The following MTAP variants were observed in gnomAD, a reference collection of about 807,000 sequenced individuals.
MTAP encodes methylthioadenosine phosphorylase.
A neutral mutation model predicts 33.6 loss-of-function variants in MTAP; 33 were observed. The observed-to-expected ratio is 0.98, with a 90% CI of 0.74 to 1.31. MTAP has a LOEUF of 1.31. Among genes scored for constraint, MTAP ranks in the 40% most tolerant of loss-of-function variants. The probability of loss-of-function intolerance (pLI) is 0.00; values close to 1 mark genes in which losing one functional copy is unlikely to be tolerated. For synonymous variants in MTAP, 148 were observed against 125.7 expected, an observed-to-expected ratio of 1.18 and a Z score of -1.19; for missense variants, 367 against 360.0, an observed-to-expected ratio of 1.02 and a Z score of -0.16.
At chr9:21,838,055 C>A in intron 5 of MTAP, 45 bp downstream of exon 5, 1 of 1,527,044 alleles carries the variant, frequency 6.5e-7, no homozygotes, top group Non-Finnish European at 9.1e-7. Context: ...ATCATGTGGG[C>A]TTGGGGTGGC....
At chr9:21,829,065 T>A (rs185387952) in intron 4 of MTAP, among the ~76,000 whole-genome samples, 325 of 152,364 alleles carry the variant, frequency 2.1e-3, no homozygotes, top group African/African-American at 7.6e-3. Context: ...ATGCCCTCTA[T>A]GTGTTTTACT....
In MTAP at chr9:21,864,350, A is replaced by ATT. The variant is rs397972510; in HGVS notation, c.*2347_*2348dup. 270 of 844,082 alleles carry ATT rather than the reference A, an allele frequency of 3.2e-4. 1 individual carries two copies. Among genetic ancestry groups the ATT allele is most frequent in the African/African-American group, 2.4e-3 (129 of 53,508 alleles). 52.3% of individuals were successfully genotyped at this position (844,082 alleles called of 1,614,324 possible). A position where few individuals can be genotyped will look rare whatever the true frequency, so the allele number is the denominator to read the frequency against. ...ACTTCTCACTTGTGATGCTGTACTA[A>ATT]TTTTTTTTTTTTAATTTAAGCTAGT... On this transcript the variant is annotated 3_prime_UTR_variant, in exon 8 of 8. Coordinates refer to ENST00000644715, the MANE Select transcript of MTAP (RefSeq NM_002451.4).
At chr9:21,837,509 G>T (rs572122456) in intron 4 of MTAP, among the ~76,000 whole-genome samples, 1 of 152,316 alleles carries the variant, frequency 6.6e-6, no homozygotes, top group South Asian at 2.1e-4. Flanking sequence ...TTAAGAAATT[G>T]TTGAATCTGG....
intron 4 of MTAP, among the ~76,000 whole-genome samples, chr9:21,819,137 C>CT (rs35010416): frequency 0.62 from 89,062 of 144,358 alleles, 27,687 homozygotes; most frequent in African/African-American, 0.77. Context: ...ACCACATTTT[C>CT]TTTTTTTTTT....
chr9:21,817,815 G>T (rs568643727), intron 3 of MTAP, among the ~76,000 whole-genome samples: 18 of 152,162 alleles, frequency 1.2e-4, no homozygotes, highest in African/African-American at 3.9e-4. Flanking sequence ...TCCTCACTAG[G>T]GTCTGTCTGC....
intron 6 of MTAP, among the ~76,000 whole-genome samples, chr9:21,857,196 AGG>A: frequency 6.6e-6 from 1 of 152,162 alleles, no homozygotes; most frequent in Non-Finnish European, 1.5e-5. Flanking sequence ...AAGAGAAGGG[AGG>A]TCAGTGTCTA....
intron 4 of MTAP, among the ~76,000 whole-genome samples, chr9:21,822,911 T>C (rs1282358975): frequency 6.6e-6 from 1 of 152,206 alleles, no homozygotes; most frequent in Non-Finnish European, 1.5e-5. Context: ...TTGATCTTTG[T>C]TGGTTTAAAG....
At chr9:21,815,214 T>C (rs1047457381) in intron 1 of MTAP, among the ~76,000 whole-genome samples, 11 of 152,160 alleles carry the variant, frequency 7.2e-5, no homozygotes, top group African/African-American at 2.7e-4. Context: ...TACGTTTTGG[T>C]TACTTATAGA....
intron 4 of MTAP, among the ~76,000 whole-genome samples, chr9:21,821,105 A>G (rs1432834621): frequency 6.6e-6 from 1 of 152,206 alleles, no homozygotes; most frequent in African/African-American, 2.4e-5. Flanking sequence ...TCCTAATTGA[A>G]TACCCTTTAC....
At chr9:21,821,293 C>T (rs894116053) in intron 4 of MTAP, among the ~76,000 whole-genome samples, 4 of 152,118 alleles carry the variant, frequency 2.6e-5, no homozygotes, top group African/African-American at 9.7e-5. Context: ...TTTTGAGCTA[C>T]GTCCCATCAA....
intron 1 of MTAP, among the ~76,000 whole-genome samples, chr9:21,919,975 T>C (rs10965183): frequency 0.32 from 48,098 of 151,874 alleles, 8,731 homozygotes; most frequent in East Asian, 0.55. Flanking sequence ...CTTCATGGAG[T>C]TATTTCTAAA....
chr9:21,912,580 C>T (rs183864313), intron 1 of MTAP, among the ~76,000 whole-genome samples: 59 of 152,258 alleles, frequency 3.9e-4, no homozygotes, highest in African/African-American at 1.4e-3. Flanking sequence ...TAAAATTGAA[C>T]AGCGCTTCAT....
intron 4 of MTAP, among the ~76,000 whole-genome samples, chr9:21,825,675 A>G (rs1242900219): frequency 6.6e-6 from 1 of 152,208 alleles, no homozygotes; most frequent in Non-Finnish European, 1.5e-5. Context: ...TTGTCTCTGT[A>G]AAAAATAAAA....
chr9:21,902,110 T>C (rs187602853), intron 1 of MTAP, among the ~76,000 whole-genome samples: 39 of 152,286 alleles, frequency 2.6e-4, no homozygotes, highest in Non-Finnish European at 5.0e-4. Context: ...CTAAACGATA[T>C]TGCAATAGCT....
At chr9:21,868,654 C>T (rs1321425546), downstream of MTAP, among the ~76,000 whole-genome samples, 1 of 152,064 alleles carries the variant, frequency 6.6e-6, no homozygotes, top group Non-Finnish European at 1.5e-5. Flanking sequence ...CCTTCATCAG[C>T]TCTCCCAAAC....
At chr9:21,913,753 G>A (rs1818626082) in intron 1 of MTAP, among the ~76,000 whole-genome samples, 1 of 152,148 alleles carries the variant, frequency 6.6e-6, no homozygotes, top group Non-Finnish European at 1.5e-5. Flanking sequence ...AAAAGCAATG[G>A]CAACAAAAGC....
intron 1 of MTAP, among the ~76,000 whole-genome samples, chr9:21,873,760 A>G (rs1351077183): frequency 6.6e-6 from 1 of 152,170 alleles, no homozygotes; most frequent in Non-Finnish European, 1.5e-5. Flanking sequence ...AGGAACAGCT[A>G]TAGAAGTTGA....
At position 21,808,278 on chromosome 9, in the gene MTAP, G is replaced by C. The variant is rs200579233; in HGVS notation, c.33+5497G>C. ...GCTGCTATAACAATTTTCACAAATG[G>C]AGTGGCTTAAGACAACACACATGAG... On this transcript the variant is annotated intron_variant, in intron 1 of 7. Transcript: ENST00000644715. 1.8e-4 allele frequency among the ~76,000 whole-genome samples: 27 copies of C among 152,148 alleles called. No individual in the cohort carries two copies. The East Asian group carries it at 3.9e-3, about 22-fold the overall frequency.
intron 4 of MTAP, among the ~76,000 whole-genome samples, chr9:21,819,080 A>T (rs1824561337): frequency 1.3e-5 from 2 of 151,566 alleles, no homozygotes; most frequent in African/African-American, 4.9e-5. Context: ...CAATTGACAG[A>T]GTTGCGTTCT....
Sources: gnomAD v4.1 joint callset for allele counts (sites outside exome capture counted in the v4.1 genomes callset) on GRCh38, gnomAD v4.1.1 for gene constraint, MANE v1.5 for transcripts, NCBI Gene and HGNC (gene_info 2026-07-23, HGNC 2026-07-21) for gene names.